Variants in SACS observed in about 807,000 individuals in gnomAD.
The protein encoded by SACS is sacsin.
Under a neutral mutation model 348.0 loss-of-function variants are expected in SACS, and 197 were observed. The observed-to-expected ratio is 0.57, with a 90% CI of 0.50 to 0.64. The LOEUF (loss-of-function observed/expected upper bound fraction) is 0.64. SACS is among the 30% of genes least tolerant of loss of function. The probability of loss-of-function intolerance (pLI) is 0.00; values close to 1 mark genes in which losing one functional copy is unlikely to be tolerated. For missense variants in SACS, 4,999 were observed against 5,360.8 expected (o/e 0.93, Z 2.11); for synonymous variants, 1,985 against 1,910.6 (o/e 1.04, Z -1.02).
Position 23,335,815 on chromosome 13 carries a change from T to C in SACS, c.8061A>G (p.Gly2687=). 6.2e-7 allele frequency: 1 copy of C among 1,614,010 alleles called. No homozygotes were observed. The highest frequency in any genetic ancestry group is 8.5e-7 in the Non-Finnish European group (1 of 1,179,906). The part of the protein sequence containing the change: ...QFSDVLDLYL[G]THFKLDNCTM... ...TGCAATTATCCAGTTTAAAATGGGT[T>C]CCCAGATAAAGATCCAGAACATCTG... Residue 2687 remains glycine, a synonymous_variant, in exon 10 of 10, where the codon GGA becomes GGG. Coordinates refer to ENST00000382292, the MANE Select transcript of SACS (RefSeq NM_014363.6). The surrounding 1 kb of genome is among the most constrained non-coding windows in gnomAD (Gnocchi z 4.7).
intron 9 of SACS, among the ~76,000 whole-genome samples, chr13:23,348,417 G>A (rs1235627529): frequency 1.3e-5 from 2 of 152,136 alleles, no homozygotes; most frequent in Non-Finnish European, 2.9e-5. Flanking sequence ...TCCTCCATGC[G>A]GTCCCCACCC....
At chr13:23,347,367 C>T (rs943677967) in intron 9 of SACS, among the ~76,000 whole-genome samples, 1 of 152,054 alleles carries the variant, frequency 6.6e-6, no homozygotes, top group African/African-American at 2.4e-5. Context: ...AATTGTTCCA[C>T]GAACATCTAT....
intron 8 of SACS, 35 bp downstream of exon 8, chr13:23,354,482 TAA>T (rs1566079117): frequency 1.3e-6 from 2 of 1,583,446 alleles, no homozygotes; most frequent in Admixed American, 3.3e-5. Flanking sequence ...AGGGGAACCC[TAA>T]GAGTGAACAG....
intron 1 of SACS, among the ~76,000 whole-genome samples, chr13:23,433,058 AAGC>A (rs1313284452): frequency 2.0e-5 from 3 of 152,200 alleles, no homozygotes; most frequent in Admixed American, 6.5e-5. Flanking sequence ...TTTTAACTAA[AAGC>A]AGGATTTTCA....
Position 23,337,268 on chromosome 13 carries a change from G to A in SACS, c.6608C>T (p.Ala2203Val). 6.2e-7 allele frequency: 1 copy of A among 1,613,782 alleles called. No individual in the cohort carries two copies. Among genetic ancestry groups the A allele is most frequent in the Non-Finnish European group, 8.5e-7 (1 of 1,179,870 alleles). Reference sequence around the variant, plus strand: ...TTGATATTTTGCAGCAAAATCCTTTGCTCTAGGATCCCTTATTTTTAGTTT... The same window carrying A: ...TTGATATTTTGCAGCAAAATCCTTTACTCTAGGATCCCTTATTTTTAGTTT... Reference protein sequence around the residue: ...DEKLKIRDPRAKDFAAKYQTI... With the variant: ...DEKLKIRDPRVKDFAAKYQTI... Residue 2203 changes from alanine (A) to valine (V), a missense_variant, in exon 10 of 10, where the codon GCA becomes GTA. By Grantham distance (64) the Ala-to-Val change is moderately conservative. This residue lies in a region of SACS where 3,156 missense variants were observed against 3,380.1 expected (regional missense o/e 0.93). Coordinates refer to ENST00000382292, the MANE Select transcript of SACS (RefSeq NM_014363.6).
At chr13:23,357,615 G>A (rs920178283) in intron 7 of SACS, among the ~76,000 whole-genome samples, 3 of 152,088 alleles carry the variant, frequency 2.0e-5, no homozygotes, top group African/African-American at 7.2e-5. Flanking sequence ...TCTCCTGCAA[G>A]ACACAGTTTG....
In SACS at chr13:23,385,336, C is replaced by A. The variant is rs1380352979; in HGVS notation, c.21-10067G>T. Among the ~76,000 whole-genome samples the A allele has an allele frequency of 2.0e-5, 3 of 151,638 alleles. No individual in the cohort carries two copies. The East Asian group carries it at 5.8e-4, about 29-fold the overall frequency. On this transcript the variant is annotated intron_variant, in intron 2 of 9. Transcript: ENST00000382292. ...CTCCTGTTAATGTTGATATTTTGAC[C>A]TTCTCCCATGAATCATGGATGTTCT...
At chr13:23,374,082 CAG>C (rs1871588054) in intron 3 of SACS, 3 of 152,172 alleles carry the variant, frequency 2.0e-5, no homozygotes, top group Non-Finnish European at 4.4e-5. Context: ...ACAGCATGTT[CAG>C]TAAAAAGCTG....
At chr13:23,375,670 C>T (rs1192510296) in intron 2 of SACS, 3 of 644,262 alleles carry the variant, frequency 4.7e-6, no homozygotes, top group Non-Finnish European at 5.8e-6. Context: ...GCCCCGCCCC[C>T]AGGGAACGCC....
In SACS at chr13:23,331,801, A is replaced by C. The variant is rs778310483; in HGVS notation, c.12075T>G (p.Asn4025Lys). The change falls in exon 10 of 10, where the codon AAT (asparagine) becomes AAG (lysine). Residue 4025 changes from asparagine (N) to lysine (K), a missense_variant. This residue lies in a region of SACS where 831 missense variants were observed against 941.8 expected (regional missense o/e 0.88). Transcript: ENST00000382292. ...LIRIMKHEND[N>K]AFLANEEKAI... Reference sequence around the variant, plus strand: ...CTTTTTCTTCATTGGCCAGAAAAGCATTATCATTTTCATGCTTCATAATTC... The same window carrying C: ...CTTTTTCTTCATTGGCCAGAAAAGCCTTATCATTTTCATGCTTCATAATTC... 1.1e-5 allele frequency: 18 copies of C among 1,613,860 alleles called. No individual in the cohort carries two copies. The Admixed American group carries it at 3.0e-4, about 27-fold the overall frequency.
Position 23,337,098 on chromosome 13 carries a change from T to C in SACS, c.6778A>G (p.Ile2260Val), listed in dbSNP as rs202110208. ...AAAGAATGGGAATTTTCATTTAGAATTGGTTGCAAAAGACAAACTATATCT... is the reference window on the plus strand; with the variant it reads ...AAAGAATGGGAATTTTCATTTAGAACTGGTTGCAAAAGACAAACTATATCT... ...HQDIVCLLQPILNENSHSFRG... is the reference protein window; with the variant it reads ...HQDIVCLLQPVLNENSHSFRG... Residue 2260 changes from isoleucine to valine, a missense_variant, in exon 10 of 10, where the codon ATT becomes GTT. Physicochemically the swap from Ile to Val is conservative, Grantham distance 29. Transcript: ENST00000382292. 35 of 1,614,024 alleles carry C rather than the reference T, an allele frequency of 2.2e-5. No homozygotes were observed. The East Asian group carries it at 6.5e-4, about 30-fold the overall frequency.
At position 23,337,401 on chromosome 13, in the gene SACS, A is replaced by G; in HGVS notation, c.6475T>C (p.Leu2159=). ...VQLGMAKDDI[L]WDDMLERAVS... ...GCACGTTCTAGCATATCATCCCATA[A>G]AATATCATCTTTTGCCATACCTAAC... is the stretch of plus-strand genomic sequence containing the variant. Residue 2159 remains leucine (L), a synonymous_variant, in exon 10 of 10, where the codon TTA becomes CTA. Transcript: ENST00000382292. The G allele has an allele frequency of 6.2e-7, 1 of 1,613,144 alleles. No individual in the cohort carries two copies. The highest frequency in any genetic ancestry group is 8.5e-7 in the Non-Finnish European group (1 of 1,179,648).
chr13:23,335,701 A>T lies in SACS; in HGVS notation c.8175T>A (p.Asn2725Lys). The part of the protein sequence containing the change: ...SVPASDRMVQ[N>K]LLDKLRSDGA... ...CATCTGAGCGCAGTTTGTCCAAAAG[A>T]TTCTGGACCATTCTGTCTGATGCTG... The change falls in exon 10 of 10, where the codon AAT (asparagine) becomes AAA (lysine). Residue 2725 changes from asparagine (N) to lysine (K), a missense_variant. Around this residue, in one of 6 missense-constraint regions of SACS, gnomAD observed 3,156 missense variants for 3,380.1 expected, o/e 0.93. Coordinates refer to ENST00000382292, the MANE Select transcript of SACS (RefSeq NM_014363.6). This position sits in a 1 kb window ranked among gnomAD's most constrained non-coding sequence, Gnocchi z 4.7. 6.2e-7 allele frequency: 1 copy of T among 1,614,046 alleles called. No homozygotes were observed.
intron 9 of SACS, among the ~76,000 whole-genome samples, chr13:23,345,386 A>G (rs1255090372): frequency 6.6e-6 from 1 of 152,250 alleles, no homozygotes; most frequent in Non-Finnish European, 1.5e-5. Flanking sequence ...CCTCCAGCCT[A>G]GCAGTGGCAC....
intron 6 of SACS, among the ~76,000 whole-genome samples, chr13:23,359,960 A>C (rs1230109735): frequency 1.3e-5 from 2 of 152,236 alleles, no homozygotes; most frequent in East Asian, 3.8e-4. Context: ...GGAAAGTGCA[A>C]ACAGTCAAGG....
In SACS at chr13:23,340,986, T is replaced by C. The variant is rs371778381; in HGVS notation, c.2890A>G (p.Ile964Val). The change falls in exon 10 of 10, where the codon ATT becomes GTT. Residue 964 changes from isoleucine (I) to valine (V), a missense_variant. Physicochemically the swap from Ile to Val is conservative, Grantham distance 29. Coordinates refer to ENST00000382292, the MANE Select transcript of SACS (RefSeq NM_014363.6). ...TCATCACTACTGTCTATTACTGAAA[T>C]AGAAAGTCGCAGATCTGCTGGGAGT... ...AKLPADLRLS[I>V]SVIDSSDEAT... The C allele has an allele frequency of 3.1e-6, 5 of 1,614,024 alleles. No individual in the cohort carries two copies. In the African/African-American group the frequency reaches 6.7e-5, roughly 22 times the overall value.
intron 2 of SACS, among the ~76,000 whole-genome samples, chr13:23,380,946 A>G (rs1872028474): frequency 6.6e-6 from 1 of 152,206 alleles, no homozygotes; most frequent in South Asian, 2.1e-4. Context: ...AAAAAATTCA[A>G]TAGTTGGAAC....
chr13:23,339,392 A>G lies in SACS; in HGVS notation c.4484T>C (p.Phe1495Ser). The change falls in exon 10 of 10, where the codon TTC (phenylalanine) becomes TCC (serine). Residue 1495 changes from phenylalanine to serine, a missense_variant. Phe to Ser is a radical substitution (Grantham distance 155). Around this residue, in one of 6 missense-constraint regions of SACS, gnomAD observed 3,156 missense variants for 3,380.1 expected, o/e 0.93. Transcript: ENST00000382292. ...CATATTTCTTCTCATATCAATCAAG[A>G]AACTGCATTCTGTTGCATTTGCATC... ...ADDANATECS[F>S]LIDMRRNMDI... 2 of 1,612,422 alleles carry G rather than the reference A, an allele frequency of 1.2e-6. No individual in the cohort carries two copies. The highest frequency in any genetic ancestry group is 1.7e-6 in the Non-Finnish European group (2 of 1,179,492).
chr13:23,415,427 G>A (rs1344316247), intron 1 of SACS, among the ~76,000 whole-genome samples: 1 of 152,070 alleles, frequency 6.6e-6, no homozygotes, highest in South Asian at 2.1e-4. Flanking sequence ...AACTTAGAAC[G>A]TTTACACATG....
Sources: gnomAD v4.1 joint callset for allele counts (sites outside exome capture counted in the v4.1 genomes callset) on GRCh38, gnomAD v4.1.1 for gene constraint, gnomAD v4.1.1 regional missense constraint, Gnocchi (gnomAD v3.1) non-coding constraint, MANE v1.5 for transcripts, NCBI Gene and HGNC (gene_info 2026-07-23, HGNC 2026-07-21) for gene names.